NDUFAF5: variants seen among roughly 807,000 people sequenced by gnomAD.
The protein encoded by NDUFAF5 is arginine-hydroxylase NDUFAF5, mitochondrial.
A neutral mutation model predicts 48.9 loss-of-function variants in NDUFAF5; 34 were observed. That is an observed-to-expected ratio of 0.70 (90% CI 0.53 to 0.93). The LOEUF (loss-of-function observed/expected upper bound fraction) is 0.93. Ranked by LOEUF, NDUFAF5 falls within the 40% of genes least tolerant of loss-of-function variation. NDUFAF5 has a pLI of 0.00. For missense variants in NDUFAF5, 428 were observed against 427.5 expected (o/e 1.00, Z -0.01); for synonymous variants, 153 against 150.6 (o/e 1.02, Z -0.12).
At position 13,796,729 on chromosome 20, in the gene NDUFAF5, A is replaced by G. The variant is rs1038973991; in HGVS notation, c.480-1732A>G. 7.2e-5 allele frequency among the ~76,000 whole-genome samples: 11 copies of G among 152,330 alleles called. 1 individual carries two copies. In the South Asian group the frequency reaches 1.2e-3, roughly 17 times the overall value. On this transcript the variant is annotated intron_variant, in intron 5 of 10. Transcript: ENST00000378106. Reference sequence around the variant, plus strand: ...CACGGTGGCTCACGCCTATAATCCCAGCCCTTTGGGAGGCCGAGGCAGGCA... The same window carrying G: ...CACGGTGGCTCACGCCTATAATCCCGGCCCTTTGGGAGGCCGAGGCAGGCA...
intron 8 of NDUFAF5, chr20:13,814,638 T>G: frequency 2.2e-6 from 1 of 456,756 alleles, no homozygotes; most frequent in Non-Finnish European, 3.9e-6. Context: ...TCTTAAACAG[T>G]TAACCTACTA....
rs764417651 is a variant in NDUFAF5 at position 13,816,560 on chromosome 20, A to G, written c.862+14A>G. 103 of 1,601,538 alleles carry G rather than the reference A, an allele frequency of 6.4e-5. No individual in the cohort carries two copies. Among genetic ancestry groups the G allele is most frequent in the Non-Finnish European group, 8.3e-5 (97 of 1,171,244 alleles). ...CAGTGTACAGAGGTAAGGGGCGACC[A>G]CTCTTTCACCCGCCTCACCAAGGCA... is the stretch of plus-strand genomic sequence containing the variant. On this transcript the variant is annotated intron_variant, in intron 9 of 10. Coordinates refer to ENST00000378106, the MANE Select transcript of NDUFAF5 (RefSeq NM_024120.5).
In NDUFAF5 at chr20:13,802,698, T is replaced by TTAC. The variant is rs771581252; in HGVS notation, c.717+1017_717+1019dup. Among the ~76,000 whole-genome samples the TTAC allele has an allele frequency of 3.8e-4, 56 of 147,496 alleles. 1 individual carries two copies. The highest frequency in any genetic ancestry group is 3.7e-4 in the Non-Finnish European group (25 of 67,116). On this transcript the variant is annotated intron_variant, in intron 7 of 10. Transcript: ENST00000378106. ...AAAAAAAAAAAAAAAAAAGCAAATG[T>TTAC]TACTCACCTCACCCTTTAAAGAGAT...
intron 4 of NDUFAF5, among the ~76,000 whole-genome samples, chr20:13,794,580 A>T (rs554047157): frequency 2.0e-5 from 3 of 152,120 alleles, no homozygotes; most frequent in African/African-American, 4.8e-5. Context: ...CGCCCAGCCA[A>T]ACTAGCTTTC....
intron 5 of NDUFAF5, among the ~76,000 whole-genome samples, chr20:13,797,114 C>T (rs1983358994): frequency 6.6e-6 from 1 of 152,136 alleles, no homozygotes; most frequent in South Asian, 2.1e-4. Context: ...ACACTAAATG[C>T]GACAAGGATG....
rs1986926580 is a variant in NDUFAF5, at chr20:13,820,692, A to G, written c.*3482A>G. ...GGCAACAGCAAGACCCTCGTCTCAAAAAAGAAAAAAAAAAAGTACAATTTT... is the reference window on the plus strand; with the variant it reads ...GGCAACAGCAAGACCCTCGTCTCAAGAAAGAAAAAAAAAAAGTACAATTTT... On this transcript the variant is annotated 3_prime_UTR_variant, in exon 11 of 11. Coordinates refer to ENST00000378106, the MANE Select transcript of NDUFAF5 (RefSeq NM_024120.5). 1 of 151,828 alleles carries G rather than the reference A, an allele frequency of 6.6e-6. No individual in the cohort carries two copies. Among genetic ancestry groups the G allele is most frequent in the African/African-American group, 2.4e-5 (1 of 41,132 alleles). 9.4% of individuals were successfully genotyped at this position (151,828 alleles called of 1,614,324 possible). A position where few individuals can be genotyped will look rare whatever the true frequency, so the allele number is the denominator to read the frequency against.
chr20:13,787,635 A>G (rs902115358), intron 2 of NDUFAF5, among the ~76,000 whole-genome samples: 1 of 152,242 alleles, frequency 6.6e-6, no homozygotes, highest in African/African-American at 2.4e-5. Context: ...AGATTGCTCC[A>G]AAAATGGAGA....
In NDUFAF5 at chr20:13,820,238, T is replaced by C. The variant is rs951283353; in HGVS notation, c.*3028T>C. ...TTGTAGGATTTATTGAGATGTAAGC[T>C]ACCTATATACATCAAGTATGTGATA... On this transcript the variant is annotated 3_prime_UTR_variant, in exon 11 of 11. Coordinates refer to ENST00000378106, the MANE Select transcript of NDUFAF5 (RefSeq NM_024120.5). 2 of 152,236 alleles carry C rather than the reference T, an allele frequency of 1.3e-5. No individual in the cohort carries two copies. Among genetic ancestry groups the C allele is most frequent in the African/African-American group, 4.8e-5 (2 of 41,466 alleles). The allele number at this position is 152,236 out of a possible 1,614,324, so 9.4% of individuals were successfully genotyped here.
At position 13,801,756 on chromosome 20, in the gene NDUFAF5, A is replaced by C. The variant is rs539157864; in HGVS notation, c.717+73A>C. The C allele has an allele frequency of 1.8e-5, 24 of 1,357,662 alleles. 1 individual carries two copies. The East Asian group carries it at 5.3e-4, about 30-fold the overall frequency. The allele number at this position is 1,357,662 out of a possible 1,614,324, so 84.1% of individuals were successfully genotyped here. ...AACTTCTTATCATTTTAAAGATAGA[A>C]AACTGTATGTGTTCATGGTTTCATG... On this transcript the variant is annotated intron_variant, in intron 7 of 10. Transcript: ENST00000378106.
In NDUFAF5 at chr20:13,818,208, A is replaced by G. The variant is rs1239118165; in HGVS notation, c.*998A>G. 2.2e-6 allele frequency: 1 copy of G among 454,096 alleles called. No homozygotes were observed. Among genetic ancestry groups the G allele is most frequent in the Non-Finnish European group, 4.4e-6 (1 of 226,800 alleles). 28.1% of individuals were successfully genotyped at this position (454,096 alleles called of 1,614,324 possible). On this transcript the variant is annotated 3_prime_UTR_variant, in exon 11 of 11. Transcript: ENST00000378106. ...CTGTGTGTTAGCCTGTACGTAGCAC[A>G]TGGGACTTTCCACATAGTAGATATT...
chr20:13,785,291 G>A lies in NDUFAF5; in HGVS notation c.222+1G>A. 1 of 1,600,414 alleles carries A rather than the reference G, an allele frequency of 6.2e-7. No homozygotes were observed. The highest frequency in any genetic ancestry group is 1.1e-5 in the South Asian group (1 of 89,898). On this transcript the variant is annotated splice_donor_variant, in intron 1 of 10. Transcript: ENST00000378106. LOFTEE classifies it high-confidence loss of function. The stretch of plus-strand genomic sequence containing the variant: ...CAAATTTGACTACCTGAAGGAGGAG[G>A]TGAGCCCGCGGGGCGGCGGGGCGGC...
intron 6 of NDUFAF5, among the ~76,000 whole-genome samples, chr20:13,800,657 CAT>C (rs1983980398): frequency 6.6e-6 from 1 of 152,204 alleles, no homozygotes; most frequent in African/African-American, 2.4e-5. Context: ...TGCTGTGAAT[CAT>C]AATGATTTCT....
Position 13,817,237 on chromosome 20 carries a change from A to G in NDUFAF5, c.*27A>G. The G allele has an allele frequency of 6.5e-7, 1 of 1,528,512 alleles. No individual in the cohort carries two copies. The highest frequency in any genetic ancestry group is 9.1e-7 in the Non-Finnish European group (1 of 1,101,914). The allele number at this position is 1,528,512 out of a possible 1,614,324, so 94.7% of individuals were successfully genotyped here. On this transcript the variant is annotated 3_prime_UTR_variant, in exon 11 of 11. Transcript: ENST00000378106. Reference sequence around the variant, plus strand: ...TATTTATTCAGTGTTAATGTCGTCCAGAATTTTCATCAGAAATGGATAGCT... The same window carrying G: ...TATTTATTCAGTGTTAATGTCGTCCGGAATTTTCATCAGAAATGGATAGCT...
Position 13,816,261 on chromosome 20 carries a change from G to A in NDUFAF5, c.779-202G>A, listed in dbSNP as rs1986444013. The stretch of plus-strand genomic sequence containing the variant: ...TGAAATTTCACTTGCCTGTCTTAAT[G>A]TTGAAAAAGTTTCAAGTAGTTTCGC... On this transcript the variant is annotated intron_variant, in intron 8 of 10. Coordinates refer to ENST00000378106, the MANE Select transcript of NDUFAF5 (RefSeq NM_024120.5). 4 of 623,800 alleles carry A rather than the reference G, an allele frequency of 6.4e-6. No individual in the cohort carries two copies. The Admixed American group carries it at 9.3e-5, about 14-fold the overall frequency. The allele number at this position is 623,800 out of a possible 1,614,324, so 38.6% of individuals were successfully genotyped here. A position where few individuals can be genotyped will look rare whatever the true frequency, so the allele number is the denominator to read the frequency against.
At chr20:13,806,046 G>T (rs1379169294) in intron 7 of NDUFAF5, among the ~76,000 whole-genome samples, 2 of 152,050 alleles carry the variant, frequency 1.3e-5, no homozygotes, top group Non-Finnish European at 2.9e-5. Flanking sequence ...TTACTTTTAC[G>T]CTACAATGGA....
chr20:13,793,225 T>A lies in NDUFAF5; in HGVS notation c.373T>A (p.Leu125Met), dbSNP rs1360059887. Residue 125 changes from leucine (L) to methionine (M), a missense_variant and splice_region_variant, in exon 4 of 11, where the codon TTG (leucine) becomes ATG (methionine). Physicochemically the swap from Leu to Met is conservative, Grantham distance 15. Transcript: ENST00000378106. ...FFQADIAENALKNSSETEIPT... is the reference protein window; with the variant it reads ...FFQADIAENAMKNSSETEIPT... ...CCAAGCTGACATTGCAGAAAATGCT[T>A]TGGTAGGTAGCTTTTTAATACTGTT... 2 of 1,612,654 alleles carry A rather than the reference T, an allele frequency of 1.2e-6. No homozygotes were observed. Among genetic ancestry groups the A allele is most frequent in the Non-Finnish European group, 1.7e-6 (2 of 1,178,868 alleles).
intron 7 of NDUFAF5, chr20:13,803,168 A>G (rs1984468685): frequency 6.6e-6 from 1 of 152,224 alleles, no homozygotes; most frequent in Non-Finnish European, 1.5e-5. Flanking sequence ...GGCATGGGCA[A>G]GCAGGGCCCC....
intron 3 of NDUFAF5, among the ~76,000 whole-genome samples, chr20:13,790,299 G>T (rs943654440): frequency 7.3e-5 from 11 of 151,046 alleles, no homozygotes; most frequent in Admixed American, 4.0e-4. Context: ...TGACTGATCA[G>T]ATATGGTAGG....
intron 7 of NDUFAF5, among the ~76,000 whole-genome samples, chr20:13,804,646 G>C (rs1351875400): frequency 6.6e-6 from 1 of 152,136 alleles, no homozygotes; most frequent in East Asian, 1.9e-4. Flanking sequence ...CTTTAGGTTT[G>C]TTCTGATTTT....
Sources: gnomAD v4.1 joint callset for allele counts (sites outside exome capture counted in the v4.1 genomes callset) on GRCh38, gnomAD v4.1.1 for gene constraint, MANE v1.5 for transcripts, NCBI Gene and HGNC (gene_info 2026-07-23, HGNC 2026-07-21) for gene names.